Variants in PRELID2 observed in about 807,000 individuals in gnomAD.
PRELID2 encodes PRELI domain-containing protein 2.
In PRELID2, 25 loss-of-function variants were observed where a neutral mutation model predicts 28.4. The ratio of observed to expected loss-of-function variants is 0.88; its 90% CI spans 0.64 to 1.23. The LOEUF is 1.23. Ranked by LOEUF, PRELID2 falls within the 50% of genes most tolerant of loss-of-function variation. The probability of loss-of-function intolerance (pLI) is 0.00; values close to 1 mark genes in which losing one functional copy is unlikely to be tolerated. For missense variants in PRELID2, 201 were observed against 214.4 expected (o/e 0.94, Z 0.39); for synonymous variants, 76 against 71.6 (o/e 1.06, Z -0.31).
At chr5:145,554,554 G>T (rs1448202548) in intron 1 of PRELID2, among the ~76,000 whole-genome samples, 1 of 152,212 alleles carries the variant, frequency 6.6e-6, no homozygotes, top group Non-Finnish European at 1.5e-5. Flanking sequence ...CTTTCAAAGA[G>T]CTGGTTGGCA....
the PRELID2 span, among the ~76,000 whole-genome samples, chr5:145,422,483 T>C: frequency 5.9e-5 from 9 of 152,224 alleles, no homozygotes; most frequent in South Asian, 4.1e-4. Context: ...TTTACCATTA[T>C]GTAATGGCCT....
At chr5:145,613,747 T>C (rs1245064865) in intron 1 of PRELID2, among the ~76,000 whole-genome samples, 1 of 152,172 alleles carries the variant, frequency 6.6e-6, no homozygotes, top group Non-Finnish European at 1.5e-5. Context: ...GTATATATTA[T>C]AAAGATTTTC....
chr5:145,821,666 G>A (rs1754840599), intron 2 of PRELID2, among the ~76,000 whole-genome samples: 1 of 152,198 alleles, frequency 6.6e-6, no homozygotes, highest in Admixed American at 6.5e-5. Context: ...TTGATAGGGT[G>A]CAAACCCCTC....
At chr5:145,820,041 CAA>C in intron 2 of PRELID2, 23 bp from the exon 3 acceptor site, 1 of 1,341,836 alleles carries the variant, frequency 7.5e-7, no homozygotes. Context: ...TTTTTTTACA[CAA>C]AAAAAAATTA....
chr5:145,641,881 G>C (rs1754113257), intron 1 of PRELID2, among the ~76,000 whole-genome samples: 1 of 152,206 alleles, frequency 6.6e-6, no homozygotes, highest in Non-Finnish European at 1.5e-5. Context: ...TCCATGGTGA[G>C]TATGTGCCAC....
chr5:145,559,359 G>A (rs1007583840), intron 1 of PRELID2, among the ~76,000 whole-genome samples: 4 of 151,806 alleles, frequency 2.6e-5, no homozygotes, highest in African/African-American at 7.3e-5. Flanking sequence ...AATGCTATGG[G>A]GCTAATAAAA....
chr5:145,408,974 A>G, the PRELID2 span, among the ~76,000 whole-genome samples: 2 of 152,186 alleles, frequency 1.3e-5, no homozygotes, highest in Non-Finnish European at 2.9e-5. Flanking sequence ...AGGCAAAATC[A>G]TCAGGTAACC....
chr5:145,817,208 TAA>T (rs1482406226), intron 4 of PRELID2, among the ~76,000 whole-genome samples: 30 of 77,704 alleles, frequency 3.9e-4, no homozygotes, highest in South Asian at 8.7e-4. Flanking sequence ...AATAAATAAA[TAA>T]ATAAAAAAAA....
chr5:145,310,030 T>C, the PRELID2 span, among the ~76,000 whole-genome samples: 2 of 152,228 alleles, frequency 1.3e-5, no homozygotes, highest in African/African-American at 2.4e-5. Context: ...AATCATAGAC[T>C]ATTTATTACT....
At chr5:145,630,129 C>CATGG (rs61612357) in intron 1 of PRELID2, among the ~76,000 whole-genome samples, 8,612 of 150,922 alleles carry the variant, frequency 0.057, 512 homozygotes, top group African/African-American at 0.15. Flanking sequence ...TGTTTGGATG[C>CATGG]ATGGATGGAT....
At chr5:145,782,772 G>C (rs1459649481) in intron 5 of PRELID2, among the ~76,000 whole-genome samples, 1 of 152,118 alleles carries the variant, frequency 6.6e-6, no homozygotes, top group Non-Finnish European at 1.5e-5. Context: ...TAAATCCCTA[G>C]TTAGCTTAAA....
chr5:145,424,861 C>T, the PRELID2 span, among the ~76,000 whole-genome samples: 1 of 152,114 alleles, frequency 6.6e-6, no homozygotes, highest in East Asian at 1.9e-4. Flanking sequence ...TAGGCACAGG[C>T]AAACATTTCA....
At chr5:145,325,213 T>G in the PRELID2 span, among the ~76,000 whole-genome samples, 1 of 152,224 alleles carries the variant, frequency 6.6e-6, no homozygotes, top group Admixed American at 6.5e-5. Context: ...TAAACATGTT[T>G]TCTTGCTGTT....
chr5:145,391,758 CTT>C, the PRELID2 span, among the ~76,000 whole-genome samples: 4 of 151,404 alleles, frequency 2.6e-5, no homozygotes, highest in South Asian at 8.4e-4. Context: ...TTCTTGAACA[CTT>C]TGCTGCTTAC....
chr5:145,492,281 T>C (rs902375686), intron 1 of PRELID2, among the ~76,000 whole-genome samples: 1 of 152,198 alleles, frequency 6.6e-6, no homozygotes, highest in Admixed American at 6.5e-5. Flanking sequence ...ATTAGTCATG[T>C]TGAGAATTTT....
intron 1 of PRELID2, among the ~76,000 whole-genome samples, chr5:145,481,833 A>G (rs1580953333): frequency 6.6e-6 from 1 of 152,144 alleles, no homozygotes; most frequent in East Asian, 1.9e-4. Context: ...TGTATAGCAC[A>G]GTATTTTAGA....
At chr5:145,372,916 GATA>G in the PRELID2 span, among the ~76,000 whole-genome samples, 3 of 57,080 alleles carry the variant, frequency 5.3e-5, no homozygotes, top group African/African-American at 1.8e-4. Context: ...TAATATATAT[GATA>G]TTATATATTA....
At chr5:145,600,434 A>AAAAATATATATATATATATATATATAT (rs1315631607) in intron 1 of PRELID2, among the ~76,000 whole-genome samples, 4 of 120,114 alleles carry the variant, frequency 3.3e-5, no homozygotes, top group African/African-American at 1.6e-4. Context: ...AAAAAAAAAA[A>AAAAATATATATATATATATATATATAT]ATATATATAT....
intron 4 of PRELID2, among the ~76,000 whole-genome samples, chr5:145,809,691 G>A (rs1581247464): frequency 6.6e-6 from 1 of 152,244 alleles, no homozygotes. Context: ...GCTGAGTGTA[G>A]AAGAATAATC....
Sources: gnomAD v4.1 joint callset for allele counts (sites outside exome capture counted in the v4.1 genomes callset) on GRCh38, gnomAD v4.1.1 for gene constraint, MANE v1.5 for transcripts, NCBI Gene and HGNC (gene_info 2026-07-23, HGNC 2026-07-21) for gene names.